The following GABARAPL1 variants were observed in gnomAD, a reference collection of about 807,000 sequenced individuals.
The protein encoded by GABARAPL1 is GABA type A receptor associated protein like 1, also known as gamma-aminobutyric acid receptor-associated protein-like 1.
GABARAPL1 carries 4 observed loss-of-function variants against 14.5 expected under a neutral mutation model. The observed-to-expected ratio is 0.28, with a 90% CI of 0.14 to 0.63. The LOEUF is 0.63. Among genes scored for constraint, GABARAPL1 ranks in the 30% least tolerant of loss-of-function variants. The pLI is 0.84. For missense variants in GABARAPL1, 82 were observed against 139.2 expected (o/e 0.59, Z 2.07); for synonymous variants, 47 against 50.6 (o/e 0.93, Z 0.30).
intron 3 of GABARAPL1, 41 bp from the exon 4 acceptor site, chr12:10,221,746 T>C: frequency 6.2e-7 from 1 of 1,608,646 alleles, no homozygotes; most frequent in Non-Finnish European, 8.5e-7. Flanking sequence ...AGCTAATGAA[T>C]GAATATGTTT....
intron 1 of GABARAPL1, among the ~76,000 whole-genome samples, chr12:10,215,287 C>T (rs4326886): frequency 0.12 from 18,267 of 152,104 alleles, 1,795 homozygotes; most frequent in African/African-American, 0.27. Flanking sequence ...AGAACTTAGC[C>T]CCACCAATAT....
At chr12:10,220,854 T>C (rs748093166) in intron 3 of GABARAPL1, 4 of 1,416,278 alleles carry the variant, frequency 2.8e-6, no homozygotes, top group East Asian at 5.0e-5. Context: ...TGATTCCTGA[T>C]AGCAAAAGTT....
In GABARAPL1 at chr12:10,213,775, C is replaced by G. The variant is rs1486901986; in HGVS notation, c.90+556C>G. The G allele has an allele frequency of 2.2e-5, 10 of 453,460 alleles. No individual in the cohort carries two copies. The East Asian group carries it at 6.3e-4, about 28-fold the overall frequency. 28.1% of individuals were successfully genotyped at this position (453,460 alleles called of 1,614,324 possible). A position where few individuals can be genotyped will look rare whatever the true frequency, so the allele number is the denominator to read the frequency against. ...GGGGGTTAGGGGAGCACAAGACAGTCCTGGCCTGGAAAACAAGGTCACGTT... is the reference window on the plus strand; with the variant it reads ...GGGGGTTAGGGGAGCACAAGACAGTGCTGGCCTGGAAAACAAGGTCACGTT... On this transcript the variant is annotated intron_variant, in intron 1 of 3. Coordinates refer to ENST00000266458, the MANE Select transcript of GABARAPL1 (RefSeq NM_031412.4).
At position 10,221,795 on chromosome 12, in the gene GABARAPL1, T is replaced by C. The variant is rs757539231; in HGVS notation, c.297T>C (p.His99=). The C allele has an allele frequency of 5.6e-6, 9 of 1,614,000 alleles. No individual in the cohort carries two copies. The South Asian group carries it at 8.8e-5, about 16-fold the overall frequency. Reference sequence around the variant, plus strand: ...CTTATCTCTTCCCCTAGGACAATCATGAGGAAGACTATTTTCTGTATGTGG... The same window carrying C: ...CTTATCTCTTCCCCTAGGACAATCACGAGGAAGACTATTTTCTGTATGTGG... ...ATMGQLYEDN[H]EEDYFLYVAY... Residue 99 remains histidine, a synonymous_variant, in exon 4 of 4, where the codon CAT becomes CAC. Coordinates refer to ENST00000266458, the MANE Select transcript of GABARAPL1 (RefSeq NM_031412.4).
intron 1 of GABARAPL1, among the ~76,000 whole-genome samples, chr12:10,216,349 C>T (rs112269234): frequency 0.036 from 5,435 of 151,408 alleles, 323 homozygotes; most frequent in African/African-American, 0.12. Flanking sequence ...CCAGCCCGGG[C>T]GACACATGTG....
chr12:10,216,538 T>TC lies in GABARAPL1; in HGVS notation c.91-1525_91-1524insC, dbSNP rs202245517. ...ACTAAAATGACTATATTTTCTTTTC[T>TC]TTTTTTTTTTTTTTTTTTGAGACCG... On this transcript the variant is annotated intron_variant, in intron 1 of 3. Coordinates refer to ENST00000266458, the MANE Select transcript of GABARAPL1 (RefSeq NM_031412.4). 2.0e-3 allele frequency among the ~76,000 whole-genome samples: 201 copies of TC among 101,838 alleles called. 4 individuals are homozygous for TC. Among genetic ancestry groups the TC allele is most frequent in the Non-Finnish European group, 2.0e-3 (100 of 50,620 alleles). The allele number at this position is 101,838 out of a possible 152,430, so 66.8% of individuals were successfully genotyped here.
At chr12:10,213,993 GTAT>G in intron 1 of GABARAPL1, 1 of 388,086 alleles carries the variant, frequency 2.6e-6, no homozygotes, top group Non-Finnish European at 5.3e-6. Flanking sequence ...GAACAGAAAA[GTAT>G]TAGGTATCTT....
chr12:10,213,464 C>T (rs1292902156), intron 1 of GABARAPL1: 2 of 533,920 alleles, frequency 3.7e-6, no homozygotes, highest in African/African-American at 3.8e-5. Flanking sequence ...GGCCGAGCCG[C>T]CGTCTTCAGT....
intron 2 of GABARAPL1, among the ~76,000 whole-genome samples, chr12:10,219,366 A>G (rs1346288491): frequency 2.6e-5 from 4 of 151,856 alleles, no homozygotes; most frequent in Non-Finnish European, 5.9e-5. Flanking sequence ...CGGCTTTGTT[A>G]ATTGTGATAT....
At position 10,222,716 on chromosome 12, in the gene GABARAPL1, T is replaced by C. The variant is rs1949126070; in HGVS notation, c.*864T>C. On this transcript the variant is annotated 3_prime_UTR_variant, in exon 4 of 4. Transcript: ENST00000266458. ...CATGTATCAGGACAGAGGTGTCTTA[T>C]GTAGGGAGGGGGCAAGTATGAAGTA... The C allele has an allele frequency of 1.3e-5, 2 of 152,182 alleles. No homozygotes were observed. Among genetic ancestry groups the C allele is most frequent in the African/African-American group, 4.8e-5 (2 of 41,440 alleles). The allele number at this position is 152,182 out of a possible 1,614,324, so 9.4% of individuals were successfully genotyped here.
intron 2 of GABARAPL1, among the ~76,000 whole-genome samples, 158 bp downstream of exon 2, chr12:10,218,299 C>T (rs191909922): frequency 3.3e-5 from 5 of 152,300 alleles, no homozygotes; most frequent in Non-Finnish European, 4.4e-5. Context: ...TCAGGCTGGG[C>T]GCCCTGGCTC....
chr12:10,213,549 G>A (rs1949070480), intron 1 of GABARAPL1: 1 of 339,718 alleles, frequency 2.9e-6, no homozygotes, highest in South Asian at 2.3e-5. Flanking sequence ...GGGCCCCTGT[G>A]GGCGAGACTG....
intron 2 of GABARAPL1, 31 bp from the exon 3 acceptor site, chr12:10,220,409 T>C: frequency 6.2e-7 from 1 of 1,611,306 alleles, no homozygotes; most frequent in Non-Finnish European, 8.5e-7. Flanking sequence ...TCTTACTTTC[T>C]TTTCTGCCCT....
At chr12:10,220,161 G>C (rs1289762253) in intron 2 of GABARAPL1, among the ~76,000 whole-genome samples, 1 of 152,156 alleles carries the variant, frequency 6.6e-6, no homozygotes, top group Non-Finnish European at 1.5e-5. Context: ...TAGTCCTCAG[G>C]CTTTGAGTGG....
chr12:10,216,068 T>C (rs1167386965), intron 1 of GABARAPL1, among the ~76,000 whole-genome samples: 2 of 152,124 alleles, frequency 1.3e-5, no homozygotes, highest in Non-Finnish European at 2.9e-5. Flanking sequence ...GTTAAAGACG[T>C]GTTAGAAAGT....
At chr12:10,218,550 G>A (rs1010297490) in intron 2 of GABARAPL1, among the ~76,000 whole-genome samples, 1 of 151,944 alleles carries the variant, frequency 6.6e-6, no homozygotes, top group African/African-American at 2.4e-5. Flanking sequence ...TCCACCCTGG[G>A]CAACAGAGCG....
chr12:10,213,964 T>C, intron 1 of GABARAPL1: 2 of 440,162 alleles, frequency 4.5e-6, no homozygotes, highest in Admixed American at 5.1e-5. Context: ...TAGTTAAAAC[T>C]ACCGCAGGCA....
chr12:10,221,284 G>A, intron 3 of GABARAPL1: 1 of 965,206 alleles, frequency 1.0e-6, no homozygotes. Flanking sequence ...AATTGGAAGT[G>A]TCAGAATCTG....
chr12:10,214,551 TG>T, intron 1 of GABARAPL1: 1 of 152,350 alleles, frequency 6.6e-6, no homozygotes, highest in South Asian at 2.1e-4. Context: ...ACCAATCTTT[TG>T]AGCAATGATA....
Sources: allele counts gnomAD v4.1 joint callset (sites outside exome capture counted in the v4.1 genomes callset), GRCh38; gene constraint gnomAD v4.1.1; transcripts MANE v1.5; gene names NCBI Gene and HGNC (gene_info 2026-07-23, HGNC 2026-07-21).